TGFB2: variants seen among roughly 807,000 people sequenced by gnomAD.
TGFB2 encodes the protein transforming growth factor beta-2 proprotein.
TGFB2 carries 13 observed loss-of-function variants against 42.7 expected under a neutral mutation model. The observed-to-expected ratio is 0.30, with a 90% CI of 0.20 to 0.48. The LOEUF (loss-of-function observed/expected upper bound fraction) is 0.48, where lower values mean the gene tolerates loss of function less well. Among genes scored for constraint, TGFB2 ranks in the 20% least tolerant of loss-of-function variants. TGFB2 has a pLI of 0.99. For missense variants in TGFB2, 390 were observed against 517.5 expected, an observed-to-expected ratio of 0.75 and a Z score of 2.39; for synonymous variants, 193 against 193.6, an observed-to-expected ratio of 1.00 and a Z score of 0.03.
intron 2 of TGFB2, among the ~76,000 whole-genome samples, chr1:218,410,941 G>A (rs566324943): frequency 9.0e-4 from 137 of 152,250 alleles, no homozygotes; most frequent in African/African-American, 3.2e-3. Flanking sequence ...TGCTGTCTTG[G>A]AGTTGGATAA....
intron 1 of TGFB2, among the ~76,000 whole-genome samples, chr1:218,380,072 GA>G (rs1420181780): frequency 6.6e-6 from 1 of 152,174 alleles, no homozygotes; most frequent in East Asian, 1.9e-4. Flanking sequence ...CACATGTGAG[GA>G]AACCAAGGCA....
At chr1:218,392,847 A>G (rs1224090130) in intron 1 of TGFB2, among the ~76,000 whole-genome samples, 3 of 152,228 alleles carry the variant, frequency 2.0e-5, no homozygotes, top group Non-Finnish European at 4.4e-5. Flanking sequence ...ATAACAGCCC[A>G]TGCCACTTGG....
At chr1:218,403,210 T>G (rs1289882914) in intron 1 of TGFB2, among the ~76,000 whole-genome samples, 1 of 152,154 alleles carries the variant, frequency 6.6e-6, no homozygotes, top group Non-Finnish European at 1.5e-5. Flanking sequence ...TTTTGGGGTT[T>G]TTTTGTTTGT....
chr1:218,441,611 C>A lies in TGFB2; in HGVS notation c.*249C>A, dbSNP rs1325622713. On this transcript the variant is annotated 3_prime_UTR_variant, in exon 7 of 7. Coordinates refer to ENST00000366930, the MANE Select transcript of TGFB2 (RefSeq NM_003238.6). ...TCACCTACTTTGTAAGTGAGAGAGA[C>A]AAGAAGCAAATTTTTTTTAAAGAAA... is the stretch of plus-strand genomic sequence containing the variant. 1.2e-5 allele frequency: 4 copies of A among 325,448 alleles called. No homozygotes were observed. The highest frequency in any genetic ancestry group is 4.7e-5 in the Admixed American group (1 of 21,438). The allele number at this position is 325,448 out of a possible 1,614,324, so 20.2% of individuals were successfully genotyped here.
intron 1 of TGFB2, among the ~76,000 whole-genome samples, chr1:218,351,515 CT>C (rs913738915): frequency 7.2e-5 from 11 of 152,186 alleles, no homozygotes; most frequent in Admixed American, 2.0e-4. Context: ...AGGATTTCCT[CT>C]TTTTTTTACT....
intron 1 of TGFB2, among the ~76,000 whole-genome samples, chr1:218,371,515 A>C (rs1657569586): frequency 6.6e-6 from 1 of 152,204 alleles, no homozygotes; most frequent in African/African-American, 2.4e-5. Flanking sequence ...TCCTCCAATC[A>C]AGATGAGTTT....
chr1:218,423,208 T>C (rs1659512892), intron 2 of TGFB2, among the ~76,000 whole-genome samples: 1 of 152,178 alleles, frequency 6.6e-6, no homozygotes, highest in Non-Finnish European at 1.5e-5. Context: ...TTCTCCAAAA[T>C]TAATCAATGA....
At chr1:218,433,460 A>G (rs1054145768) in intron 2 of TGFB2, among the ~76,000 whole-genome samples, 6 of 152,214 alleles carry the variant, frequency 3.9e-5, no homozygotes, top group Admixed American at 1.3e-4. Flanking sequence ...GCTGAGATTC[A>G]TTCTGAGTCT....
intron 2 of TGFB2, among the ~76,000 whole-genome samples, chr1:218,432,635 T>C (rs991107564): frequency 1.8e-4 from 28 of 152,312 alleles, no homozygotes; most frequent in Middle Eastern, 3.4e-3. Flanking sequence ...GTTTAAAGGA[T>C]AGTTAATAAA....
intron 2 of TGFB2, among the ~76,000 whole-genome samples, chr1:218,417,293 T>C (rs1337732077): frequency 6.6e-6 from 1 of 152,222 alleles, no homozygotes; most frequent in Non-Finnish European, 1.5e-5. Context: ...TGTTGGGAAC[T>C]GGAGCAAAGG....
chr1:218,385,055 G>A (rs1414134593), intron 1 of TGFB2, among the ~76,000 whole-genome samples: 1 of 152,170 alleles, frequency 6.6e-6, no homozygotes, highest in Non-Finnish European at 1.5e-5. Flanking sequence ...GATGGGTGTG[G>A]TGAGTGGGAG....
rs188827803 is a variant in TGFB2, at chr1:218,371,341, G to T, written c.346+24294G>T. On this transcript the variant is annotated intron_variant, in intron 1 of 6. Coordinates refer to ENST00000366930, the MANE Select transcript of TGFB2 (RefSeq NM_003238.6). Reference sequence around the variant, plus strand: ...TAAATAAAAATTTAAAAACAGAAAAGAAAAACTTTCTGTTTTGTGGATATG... The same window carrying T: ...TAAATAAAAATTTAAAAACAGAAAATAAAAACTTTCTGTTTTGTGGATATG... Among the ~76,000 whole-genome samples the T allele has an allele frequency of 2.6e-5, 4 of 152,212 alleles. No individual in the cohort carries two copies. In the East Asian group the frequency reaches 5.8e-4, roughly 22 times the overall value.
intron 1 of TGFB2, among the ~76,000 whole-genome samples, chr1:218,360,714 A>G (rs1657181650): frequency 6.6e-6 from 1 of 152,248 alleles, no homozygotes; most frequent in African/African-American, 2.4e-5. Flanking sequence ...TGTTTGTAAG[A>G]CTATAAATGC....
chr1:218,359,739 G>C (rs1657151407), intron 1 of TGFB2, among the ~76,000 whole-genome samples: 1 of 152,206 alleles, frequency 6.6e-6, no homozygotes, highest in Non-Finnish European at 1.5e-5. Context: ...TTACAGAGTT[G>C]CTATATCACA....
intron 1 of TGFB2, among the ~76,000 whole-genome samples, chr1:218,357,567 G>T (rs537241964): frequency 1.1e-4 from 17 of 152,292 alleles, no homozygotes; most frequent in African/African-American, 4.1e-4. Context: ...TCAAATGAAC[G>T]CTTGGATTTG....
intron 1 of TGFB2, among the ~76,000 whole-genome samples, chr1:218,350,775 T>C (rs1280885021): frequency 2.6e-5 from 4 of 152,176 alleles, no homozygotes; most frequent in Admixed American, 2.6e-4. Context: ...GACCTATCCA[T>C]TACTAGCTTC....
chr1:218,419,317 T>C (rs931105954), intron 2 of TGFB2, among the ~76,000 whole-genome samples: 1 of 152,194 alleles, frequency 6.6e-6, no homozygotes, highest in African/African-American at 2.4e-5. Context: ...ACTACCCATA[T>C]GGTTGGTTCT....
intron 1 of TGFB2, among the ~76,000 whole-genome samples, chr1:218,365,530 T>C (rs1657358083): frequency 6.6e-6 from 1 of 152,052 alleles, no homozygotes; most frequent in Non-Finnish European, 1.5e-5. Flanking sequence ...GAAGGGGAGA[T>C]GGGGCGCAAG....
chr1:218,407,141 AG>A (rs1265444807), intron 2 of TGFB2, among the ~76,000 whole-genome samples: 1 of 152,220 alleles, frequency 6.6e-6, no homozygotes, highest in Non-Finnish European at 1.5e-5. Flanking sequence ...TCTGTCACCC[AG>A]GCTAGAATGC....
Sources: gnomAD v4.1 joint callset for allele counts (sites outside exome capture counted in the v4.1 genomes callset) on GRCh38, gnomAD v4.1.1 for gene constraint, MANE v1.5 for transcripts, NCBI Gene and HGNC (gene_info 2026-07-23, HGNC 2026-07-21) for gene names.